Variants in B3GAT2 observed in about 807,000 individuals in gnomAD.
B3GAT2 encodes the protein beta-1,3-glucuronyltransferase 2.
A neutral mutation model predicts 27.8 loss-of-function variants in B3GAT2; 26 were observed. The ratio of observed to expected loss-of-function variants is 0.93; its 90% CI spans 0.68 to 1.30. The LOEUF is 1.30. B3GAT2 is among the 50% of genes most tolerant of loss of function. The pLI is 0.00. For synonymous variants in B3GAT2, 218 were observed against 195.1 expected, an observed-to-expected ratio of 1.12 and a Z score of -0.98; for missense variants, 458 against 459.0, an observed-to-expected ratio of 1.00 and a Z score of 0.02.
chr6:70,908,827 T>A (rs1772641507), intron 1 of B3GAT2, among the ~76,000 whole-genome samples: 1 of 151,940 alleles, frequency 6.6e-6, no homozygotes, highest in South Asian at 2.1e-4. Flanking sequence ...GAAAAAAAAA[T>A]TCTCAGGTTC....
intron 1 of B3GAT2, among the ~76,000 whole-genome samples, chr6:70,910,080 G>A (rs2504737): frequency 0.49 from 74,284 of 151,888 alleles, 18,800 homozygotes; most frequent in East Asian, 0.69. Context: ...TCACCGTGTT[G>A]GCCAGGATGG....
intron 2 of B3GAT2, among the ~76,000 whole-genome samples, chr6:70,876,160 C>T (rs1332760304): frequency 2.6e-5 from 4 of 152,152 alleles, no homozygotes; most frequent in African/African-American, 7.2e-5. Flanking sequence ...CATGGTACTA[C>T]TGAATTGGTC....
chr6:70,938,050 CA>C (rs1049265888), intron 1 of B3GAT2, among the ~76,000 whole-genome samples: 6 of 150,962 alleles, frequency 4.0e-5, no homozygotes, highest in Non-Finnish European at 8.9e-5. Context: ...GCAACTTCAG[CA>C]AAGTCTCAGG....
chr6:70,956,977 C>G lies in B3GAT2; in HGVS notation c.-548G>C. 2 of 999,854 alleles carry G rather than the reference C, an allele frequency of 2.0e-6. No homozygotes were observed. Among genetic ancestry groups the G allele is most frequent in the South Asian group, 8.8e-5 (2 of 22,768 alleles). 61.9% of individuals were successfully genotyped at this position (999,854 alleles called of 1,614,324 possible). A position where few individuals can be genotyped will look rare whatever the true frequency, so the allele number is the denominator to read the frequency against. On this transcript the variant is annotated 5_prime_UTR_variant, in exon 1 of 4. Transcript: ENST00000230053. The stretch of plus-strand genomic sequence containing the variant: ...CGGGTGGAGACGCTGGGGGTTGTGT[C>G]CCGGCTGTGTTCGCGCGCCGCAGCG...
At chr6:70,923,634 A>T (rs1327607068) in intron 1 of B3GAT2, among the ~76,000 whole-genome samples, 1 of 152,162 alleles carries the variant, frequency 6.6e-6, no homozygotes, top group Non-Finnish European at 1.5e-5. Flanking sequence ...ACTGTACTCC[A>T]ATCTGGGCGA....
chr6:70,859,340 G>C lies in B3GAT2; in HGVS notation c.*2323C>G, dbSNP rs772047150. ...GCTCTTACTTCCAGATAATGCAGAA[G>C]GGTGATGCTGTTCTCCAGCACTCCA... On this transcript the variant is annotated 3_prime_UTR_variant, in exon 4 of 4. Coordinates refer to ENST00000230053, the MANE Select transcript of B3GAT2 (RefSeq NM_080742.3). The C allele has an allele frequency of 1.5e-5, 24 of 1,548,438 alleles. No homozygotes were observed. Among genetic ancestry groups the C allele is most frequent in the African/African-American group, 4.1e-5 (3 of 72,990 alleles).
intron 2 of B3GAT2, among the ~76,000 whole-genome samples, chr6:70,866,856 A>C (rs1771859555): frequency 6.6e-6 from 1 of 152,262 alleles, no homozygotes; most frequent in African/African-American, 2.4e-5. Context: ...CAACAACAGC[A>C]GAATACAATC....
chr6:70,925,175 C>T (rs548475314), intron 1 of B3GAT2, among the ~76,000 whole-genome samples: 25 of 152,308 alleles, frequency 1.6e-4, no homozygotes, highest in Middle Eastern at 3.4e-3. Flanking sequence ...CTAGCAGGAT[C>T]GTTACAAGAT....
In B3GAT2 at chr6:70,921,813, A is replaced by T. The variant is rs539108910; in HGVS notation, c.592-27541T>A. ...ATTCTTGAGGGTTTGATTGTGGTAT[A>T]ATGTCGGTTCAGTTGACTGGCTTCA... On this transcript the variant is annotated intron_variant, in intron 1 of 3. Transcript: ENST00000230053. Among the ~76,000 whole-genome samples, 4 of 152,188 alleles carry T rather than the reference A, an allele frequency of 2.6e-5. No homozygotes were observed. The East Asian group carries it at 7.7e-4, about 29-fold the overall frequency.
chr6:70,920,975 G>A (rs1029259701), intron 1 of B3GAT2, among the ~76,000 whole-genome samples: 1 of 152,170 alleles, frequency 6.6e-6, no homozygotes, highest in African/African-American at 2.4e-5. Flanking sequence ...GGCTTGTAGT[G>A]CTTTTGCTGA....
chr6:70,909,906 C>T lies in B3GAT2; in HGVS notation c.592-15634G>A, dbSNP rs533060251. Reference sequence around the variant, plus strand: ...CTTTTGTTTTTGAGACGGAGTCTTGCTTTGTTGCCCAGGCTGGAGTGCAGT... The same window carrying T: ...CTTTTGTTTTTGAGACGGAGTCTTGTTTTGTTGCCCAGGCTGGAGTGCAGT... On this transcript the variant is annotated intron_variant, in intron 1 of 3. Coordinates refer to ENST00000230053, the MANE Select transcript of B3GAT2 (RefSeq NM_080742.3). Among the ~76,000 whole-genome samples, 10 of 152,198 alleles carry T rather than the reference C, an allele frequency of 6.6e-5. No individual in the cohort carries two copies. In the South Asian group the frequency reaches 2.1e-3, roughly 32 times the overall value.
At chr6:70,899,952 C>T (rs1008330551) in intron 1 of B3GAT2, among the ~76,000 whole-genome samples, 2 of 152,174 alleles carry the variant, frequency 1.3e-5, no homozygotes, top group African/African-American at 4.8e-5. Context: ...AGTTACATAA[C>T]AAACACAATC....
Position 70,858,428 on chromosome 6 carries a change from C to CTATT in B3GAT2, c.*3231_*3234dup. The CTATT allele has an allele frequency of 2.1e-6, 1 of 470,280 alleles. No individual in the cohort carries two copies. Among genetic ancestry groups the CTATT allele is most frequent in the Non-Finnish European group, 3.6e-6 (1 of 277,564 alleles). 29.1% of individuals were successfully genotyped at this position (470,280 alleles called of 1,614,324 possible). ...ATAGACAAATGATGTGTTATTATCGCTATTTTAGAGTATTCTGTAAAAAAA... is the reference window on the plus strand; with the variant it reads ...ATAGACAAATGATGTGTTATTATCGCTATTTATTTTAGAGTATTCTGTAAAAAAA... On this transcript the variant is annotated 3_prime_UTR_variant, in exon 4 of 4. Coordinates refer to ENST00000230053, the MANE Select transcript of B3GAT2 (RefSeq NM_080742.3).
intron 2 of B3GAT2, among the ~76,000 whole-genome samples, chr6:70,878,863 GC>G (rs961105947): frequency 1.3e-5 from 2 of 151,430 alleles, no homozygotes; most frequent in Non-Finnish European, 2.9e-5. Flanking sequence ...GCCTCTCTCT[GC>G]CCCCCCTCCC....
intron 1 of B3GAT2, among the ~76,000 whole-genome samples, chr6:70,947,903 C>T (rs13202133): frequency 6.6e-6 from 1 of 152,102 alleles, no homozygotes; most frequent in East Asian, 1.9e-4. Context: ...GACTTCATCC[C>T]TGGGATGCAA....
rs1765360064 is a variant in B3GAT2, at chr6:70,939,858, A to C, written c.591+15981T>G. Among the ~76,000 whole-genome samples the C allele has an allele frequency of 4.6e-5, 7 of 152,256 alleles. No individual in the cohort carries two copies. The South Asian group carries it at 1.5e-3, about 32-fold the overall frequency. On this transcript the variant is annotated intron_variant, in intron 1 of 3. Transcript: ENST00000230053. Reference sequence around the variant, plus strand: ...ATGTATACATATGTAACTAACCTGCACATTGTGCACATGTACCCTAAAACT... The same window carrying C: ...ATGTATACATATGTAACTAACCTGCCCATTGTGCACATGTACCCTAAAACT...
At chr6:70,919,735 C>G (rs1321412767) in intron 1 of B3GAT2, among the ~76,000 whole-genome samples, 1 of 152,198 alleles carries the variant, frequency 6.6e-6, no homozygotes, top group African/African-American at 2.4e-5. Context: ...GGCTGCAGAA[C>G]AGCAGATATT....
intron 1 of B3GAT2, 128 bp downstream of exon 1, chr6:70,955,711 G>T: frequency 1.7e-6 from 2 of 1,149,292 alleles, no homozygotes; most frequent in Non-Finnish European, 1.2e-6. Flanking sequence ...TCGGTGCCCC[G>T]AATGCGCGCA....
rs756267828 is a variant in B3GAT2 at position 70,861,718 on chromosome 6, A to ACCTT, written c.913_916dup (p.Val306GlufsTer3). 6.2e-7 allele frequency: 1 copy of ACCTT among 1,614,108 alleles called. No individual in the cohort carries two copies. Among genetic ancestry groups the ACCTT allele is most frequent in the Non-Finnish European group, 8.5e-7 (1 of 1,179,988 alleles). ...GTACTTTGGCTCGTTGGCTAGATTA[A>ACCTT]CCTTCTCTGTCCGAGTGTGCCACAC... On this transcript the variant is annotated frameshift_variant, in exon 4 of 4. Transcript: ENST00000230053. LOFTEE classifies it high-confidence loss of function.
Sources: allele counts gnomAD v4.1 joint callset (sites outside exome capture counted in the v4.1 genomes callset), GRCh38; gene constraint gnomAD v4.1.1; transcripts MANE v1.5; gene names NCBI Gene and HGNC (gene_info 2026-07-23, HGNC 2026-07-21).